The following CFAP52 variants were observed in gnomAD, a reference collection of about 807,000 sequenced individuals.
CFAP52 encodes cilia and flagella associated protein 52.
In CFAP52, 57 loss-of-function variants were observed where a neutral mutation model predicts 70.5. The ratio of observed to expected loss-of-function variants is 0.81; its 90% CI spans 0.65 to 1.01. The LOEUF is 1.01. Ranked by LOEUF, CFAP52 falls within the 50% of genes least tolerant of loss-of-function variation. The pLI is 0.00. For synonymous variants in CFAP52, 267 were observed against 292.5 expected, an observed-to-expected ratio of 0.91 and a Z score of 0.89; for missense variants, 785 against 788.5, an observed-to-expected ratio of 1.00 and a Z score of 0.05.
intron 8 of CFAP52, among the ~76,000 whole-genome samples, chr17:9,616,139 C>T (rs1156591582): frequency 1.0e-4 from 15 of 149,318 alleles, no homozygotes; most frequent in Admixed American, 2.0e-4. Context: ...CCAGTGTGTG[C>T]GCGCACCGTG....
intron 12 of CFAP52, among the ~76,000 whole-genome samples, chr17:9,640,232 T>A (rs1232356231): frequency 6.6e-6 from 1 of 151,768 alleles, no homozygotes; most frequent in African/African-American, 2.4e-5. Context: ...CTCTTTTTTT[T>A]TTTTTTTTTT....
chr17:9,579,379 A>G (rs1390106885), intron 1 of CFAP52, among the ~76,000 whole-genome samples: 2 of 152,120 alleles, frequency 1.3e-5, no homozygotes, highest in Non-Finnish European at 2.9e-5. Flanking sequence ...CAGAACGGCA[A>G]ATAGCTTGGG....
intron 7 of CFAP52, among the ~76,000 whole-genome samples, chr17:9,609,864 G>A (rs532205955): frequency 6.6e-6 from 1 of 152,210 alleles, no homozygotes; most frequent in Admixed American, 6.5e-5. Flanking sequence ...AGCCTTCCAG[G>A]TTATTATACA....
intron 7 of CFAP52, among the ~76,000 whole-genome samples, chr17:9,611,659 C>T (rs995132981): frequency 6.6e-6 from 1 of 152,174 alleles, no homozygotes; most frequent in South Asian, 2.1e-4. Context: ...AACAACTGTA[C>T]AAGCTCTGAA....
intron 8 of CFAP52, among the ~76,000 whole-genome samples, chr17:9,622,486 A>G (rs773968679): frequency 6.6e-6 from 1 of 152,026 alleles, no homozygotes; most frequent in Non-Finnish European, 1.5e-5. Flanking sequence ...GGCTACCATG[A>G]GCTACAATCA....
rs575870684 is a variant in CFAP52 at position 9,585,487 on chromosome 17, T to C, written c.71-286T>C. Among the ~76,000 whole-genome samples, 23 of 152,106 alleles carry C rather than the reference T, an allele frequency of 1.5e-4. No individual in the cohort carries two copies. The South Asian group carries it at 3.7e-3, about 25-fold the overall frequency. On this transcript the variant is annotated intron_variant, in intron 1 of 13. Coordinates refer to ENST00000352665, the MANE Select transcript of CFAP52 (RefSeq NM_145054.5). ...TTCAAGACCAGCCTGACCAACATGG[T>C]GAAACCCCGTCTCTACTAAAAATAC...
At chr17:9,596,025 A>G (rs1908984436) in intron 4 of CFAP52, among the ~76,000 whole-genome samples, 1 of 144,688 alleles carries the variant, frequency 6.9e-6, no homozygotes, top group Non-Finnish European at 1.5e-5. Flanking sequence ...TTATATAGTT[A>G]CATATGTATA....
intron 8 of CFAP52, among the ~76,000 whole-genome samples, chr17:9,615,793 TTC>T (rs1261491443): frequency 0.082 from 6,519 of 79,782 alleles, 158 homozygotes; most frequent in South Asian, 0.15. Flanking sequence ...AAAAAAAAAA[TTC>T]TTTTTTTTTT....
intron 1 of CFAP52, among the ~76,000 whole-genome samples, chr17:9,578,734 C>T (rs1476568075): frequency 2.0e-5 from 3 of 152,026 alleles, no homozygotes; most frequent in South Asian, 2.1e-4. Flanking sequence ...TTAGTAGAGA[C>T]GGGGTTTCAC....
Position 9,604,750 on chromosome 17 carries a change from AAAATAAATAAATAAATAAAT to A in CFAP52, c.754-3333_754-3314del, listed in dbSNP as rs58770209. ...GGGGGACACAGCAAGACTCTGTCTC[AAAATAAATAAATAAATAAAT>A]AAATAAATAAATAAATAAATAAATA... On this transcript the variant is annotated intron_variant, in intron 6 of 13. Transcript: ENST00000352665. 8.3e-4 allele frequency among the ~76,000 whole-genome samples: 112 copies of A among 135,058 alleles called. 1 individual carries two copies. The Middle Eastern group carries it at 0.011, about 13-fold the overall frequency. 88.6% of individuals were successfully genotyped at this position (135,058 alleles called of 152,430 possible). A position where few individuals can be genotyped will look rare whatever the true frequency, so the allele number is the denominator to read the frequency against.
intron 10 of CFAP52, among the ~76,000 whole-genome samples, chr17:9,633,715 C>T (rs1434449434): frequency 6.6e-6 from 1 of 150,648 alleles, no homozygotes; most frequent in African/African-American, 2.4e-5. Context: ...CTCCCTCTGT[C>T]ACCCAGGCTG....
At chr17:9,614,788 C>T (rs1231276056) in intron 8 of CFAP52, among the ~76,000 whole-genome samples, 2 of 152,094 alleles carry the variant, frequency 1.3e-5, no homozygotes, top group Admixed American at 6.5e-5. Flanking sequence ...CGAGTAGCAG[C>T]TCCTTCCCTG....
At chr17:9,645,240 T>C (rs1677331064), downstream of CFAP52, 1 of 155,860 alleles carries the variant, frequency 6.4e-6, no homozygotes, top group Non-Finnish European at 1.4e-5. This position sits in a 1 kb window ranked among gnomAD's most constrained non-coding sequence, Gnocchi z 6.8. Flanking sequence ...CTTTACCATT[T>C]ACTAGGCGCT....
intron 8 of CFAP52, among the ~76,000 whole-genome samples, chr17:9,626,445 G>C (rs1239547241): frequency 6.6e-6 from 1 of 152,152 alleles, no homozygotes; most frequent in Non-Finnish European, 1.5e-5. Context: ...GGCCAGGCTG[G>C]TCTCAAACTC....
At chr17:9,609,564 C>T (rs541822279) in intron 7 of CFAP52, among the ~76,000 whole-genome samples, 13 of 152,144 alleles carry the variant, frequency 8.5e-5, no homozygotes, top group Admixed American at 3.3e-4. Context: ...GATGTGGTGG[C>T]ACATACCTGT....
rs766234347 is a variant in CFAP52, at chr17:9,608,222, A to T, written c.854+3A>T. On this transcript the variant is annotated splice_donor_region_variant and intron_variant, in intron 7 of 13. Coordinates refer to ENST00000352665, the MANE Select transcript of CFAP52 (RefSeq NM_145054.5). ...AGCCCTGGCTACAAACCCATCAAGT[A>T]AGTTCCGGGTCTCACACAGTGGGGC... is the stretch of plus-strand genomic sequence containing the variant. 8 of 1,603,474 alleles carry T rather than the reference A, an allele frequency of 5.0e-6. No homozygotes were observed. The highest frequency in any genetic ancestry group is 6.8e-6 in the Non-Finnish European group (8 of 1,173,968).
At chr17:9,627,101 T>G (rs1910264811) in intron 8 of CFAP52, among the ~76,000 whole-genome samples, 1 of 151,082 alleles carries the variant, frequency 6.6e-6, no homozygotes, top group African/African-American at 2.4e-5. Context: ...TACATTGTAT[T>G]TAGAGGTTGC....
chr17:9,606,622 C>G (rs1428080786), intron 6 of CFAP52, among the ~76,000 whole-genome samples: 1 of 152,222 alleles, frequency 6.6e-6, no homozygotes, highest in Non-Finnish European at 1.5e-5. Flanking sequence ...CCCAGGCCGA[C>G]TGGCTGCAGA....
intron 6 of CFAP52, among the ~76,000 whole-genome samples, chr17:9,601,324 A>T (rs1467517108): frequency 1.3e-5 from 2 of 151,672 alleles, no homozygotes; most frequent in Non-Finnish European, 2.9e-5. Flanking sequence ...TGACGAGTTA[A>T]TGGGTGCAGC....
Sources: gnomAD v4.1 joint callset for allele counts (sites outside exome capture counted in the v4.1 genomes callset) on GRCh38, gnomAD v4.1.1 for gene constraint, Gnocchi (gnomAD v3.1) non-coding constraint, MANE v1.5 for transcripts, NCBI Gene and HGNC (gene_info 2026-07-23, HGNC 2026-07-21) for gene names.